The following LRP3 variants were observed in gnomAD, a reference collection of about 807,000 sequenced individuals.
The protein encoded by LRP3 is low-density lipoprotein receptor-related protein 3.
Under a neutral mutation model 58.5 loss-of-function variants are expected in LRP3, and 49 were observed. The observed-to-expected ratio is 0.84, with a 90% CI of 0.67 to 1.06. The LOEUF is 1.06. Ranked by LOEUF, LRP3 falls within the 50% of genes least tolerant of loss-of-function variation. The probability of loss-of-function intolerance (pLI) is 0.00; values close to 1 mark genes in which losing one functional copy is unlikely to be tolerated. For synonymous variants in LRP3, 485 were observed against 492.2 expected (o/e 0.99, Z 0.20); for missense variants, 1,019 against 1,134.2 (o/e 0.90, Z 1.46).
At chr19:33,201,000 T>A (rs1339447087) in intron 2 of LRP3, among the ~76,000 whole-genome samples, 1 of 152,222 alleles carries the variant, frequency 6.6e-6, no homozygotes, top group Non-Finnish European at 1.5e-5. Context: ...ATGGTCCTAG[T>A]AGGCCCCCAG....
Position 33,207,614 on chromosome 19 carries a change from T to G in LRP3, c.*39T>G. ...TGGTGACCGCCACAGCCCCGCTTTG[T>G]AACCAGGGAATACACAGTCATTTCT... On this transcript the variant is annotated 3_prime_UTR_variant, in exon 7 of 7. Transcript: ENST00000253193. 7.0e-7 allele frequency: 1 copy of G among 1,433,524 alleles called. No individual in the cohort carries two copies. Among genetic ancestry groups the G allele is most frequent in the East Asian group, 2.3e-5 (1 of 44,030 alleles). 88.8% of individuals were successfully genotyped at this position (1,433,524 alleles called of 1,614,324 possible).
chr19:33,203,121 A>G, intron 3 of LRP3, 135 bp downstream of exon 3: 9 of 1,116,676 alleles, frequency 8.1e-6, no homozygotes, highest in South Asian at 1.5e-5. Context: ...GTGTGGGATC[A>G]TGTGCATGTG....
At chr19:33,205,009 C>T in intron 4 of LRP3, 157 bp downstream of exon 4, 1 of 765,164 alleles carries the variant, frequency 1.3e-6, no homozygotes, top group Non-Finnish European at 2.1e-6. Context: ...CAGGACTGGG[C>T]ATGCGGATGC....
intron 1 of LRP3, 66 bp downstream of exon 1, chr19:33,194,924 C>T (rs1169230989): frequency 6.8e-6 from 6 of 877,028 alleles, no homozygotes; most frequent in African/African-American, 1.8e-5. Context: ...CGCGCCCTGA[C>T]CGACCTCCTC....
intron 2 of LRP3, among the ~76,000 whole-genome samples, chr19:33,201,003 G>T (rs1331774436): frequency 1.3e-5 from 2 of 152,214 alleles, no homozygotes; most frequent in Non-Finnish European, 2.9e-5. Flanking sequence ...GTCCTAGTAG[G>T]CCCCCAGGGG....
intron 2 of LRP3, among the ~76,000 whole-genome samples, chr19:33,198,804 G>T (rs1974311194): frequency 6.6e-6 from 1 of 152,240 alleles, no homozygotes; most frequent in Non-Finnish European, 1.5e-5. Flanking sequence ...TTTGCAGGCA[G>T]CTGGCAGCTT....
rs1020591909 is a variant in LRP3 at position 33,207,730 on chromosome 19, C to T, written c.*155C>T. 3.9e-5 allele frequency: 24 copies of T among 612,824 alleles called. No individual in the cohort carries two copies. The highest frequency in any genetic ancestry group is 2.1e-4 in the Admixed American group (7 of 33,230). 38.0% of individuals were successfully genotyped at this position (612,824 alleles called of 1,614,324 possible). ...TAAGCCAGCTGGCTGCACTGGTGGG[C>T]GGGAGCTGTGGGACTGAACGGCGGG... On this transcript the variant is annotated 3_prime_UTR_variant, in exon 7 of 7. Coordinates refer to ENST00000253193, the MANE Select transcript of LRP3 (RefSeq NM_002333.4).
At position 33,207,548 on chromosome 19, in the gene LRP3, CGAT is replaced by C. The variant is rs747528993; in HGVS notation, c.2292_2294del (p.Asp764del). 6.2e-6 allele frequency: 10 copies of C among 1,604,710 alleles called. No individual in the cohort carries two copies. The highest frequency in any genetic ancestry group is 1.7e-5 in the Admixed American group (1 of 59,940). ...CCTGCTCCCCAATGCTGGAGGCCAG[CGAT>C]GATGAGGCCCTGTTGGTCTGTTGAC... On this transcript the variant is annotated inframe_deletion, in exon 7 of 7. Transcript: ENST00000253193.
chr19:33,198,541 T>A (rs1160746459), intron 2 of LRP3, among the ~76,000 whole-genome samples: 2 of 152,206 alleles, frequency 1.3e-5, no homozygotes, highest in Admixed American at 1.3e-4. Flanking sequence ...GGATTCCTGC[T>A]GTGTGGGACC....
rs1232727143 is a variant in LRP3, at chr19:33,205,285, G to A, written c.515G>A (p.Arg172His). ...GCATCCTGCCAGGCAGATGAGTTCCGCTGTGACAACGGCAAGTGCCTGCCC... is the reference window on the plus strand; with the variant it reads ...GCATCCTGCCAGGCAGATGAGTTCCACTGTGACAACGGCAAGTGCCTGCCC... The part of the protein sequence containing the change: ...GQASCQADEF[R>H]CDNGKCLPGP... Residue 172 changes from arginine (R) to histidine (H), a missense_variant, in exon 5 of 7, where the codon CGC becomes CAC. Coordinates refer to ENST00000253193, the MANE Select transcript of LRP3 (RefSeq NM_002333.4). 8.7e-6 allele frequency: 14 copies of A among 1,610,388 alleles called. No homozygotes were observed. The highest frequency in any genetic ancestry group is 2.2e-5 in the East Asian group (1 of 44,774).
At chr19:33,200,051 A>C (rs1050434034) in intron 2 of LRP3, among the ~76,000 whole-genome samples, 5 of 152,174 alleles carry the variant, frequency 3.3e-5, no homozygotes, top group Non-Finnish European at 5.9e-5. Flanking sequence ...CTCAGCAAAA[A>C]GGTGAACATG....
chr19:33,196,439 T>G (rs531552806), intron 1 of LRP3, among the ~76,000 whole-genome samples: 46 of 152,336 alleles, frequency 3.0e-4, no homozygotes, highest in Non-Finnish European at 5.7e-4. Context: ...ACACCTGTAG[T>G]TCCAGCTACT....
intron 6 of LRP3, 82 bp downstream of exon 6, chr19:33,206,815 C>A: frequency 7.0e-7 from 1 of 1,424,810 alleles, no homozygotes; most frequent in Non-Finnish European, 9.3e-7. Context: ...GTCACAGGAG[C>A]AGGAGGCAAG....
At position 33,205,430 on chromosome 19, in the gene LRP3, C is replaced by A. The variant is rs200810037; in HGVS notation, c.660C>A (p.Ser220Arg). The change falls in exon 5 of 7, where the codon AGC becomes AGA. Residue 220 changes from serine (S) to arginine (R), a missense_variant. Ser to Arg is a moderately radical substitution (Grantham distance 110). Around this residue, in one of 2 missense-constraint regions of LRP3, gnomAD observed 592 missense variants for 725.5 expected, o/e 0.82. Transcript: ENST00000253193. ...SLCPGGTFPC[S>R]GARSTRCLPV... ...GCCCCGGGGGGACCTTCCCATGCAG[C>A]GGGGCGCGCTCCACGCGCTGCCTGC... 1 of 1,590,918 alleles carries A rather than the reference C, an allele frequency of 6.3e-7. No homozygotes were observed. The highest frequency in any genetic ancestry group is 8.6e-7 in the Non-Finnish European group (1 of 1,169,262).
In LRP3 at chr19:33,207,683, C is replaced by A; in HGVS notation, c.*108C>A. 1 of 907,760 alleles carries A rather than the reference C, an allele frequency of 1.1e-6. No homozygotes were observed. The highest frequency in any genetic ancestry group is 1.6e-5 in the South Asian group (1 of 63,810). 56.2% of individuals were successfully genotyped at this position (907,760 alleles called of 1,614,324 possible). The stretch of plus-strand genomic sequence containing the variant: ...TTCTTATGGAGAGGCCCTCCGGGGA[C>A]CCCAGCGGAGGGGCTGGCCCCTAAG... On this transcript the variant is annotated 3_prime_UTR_variant, in exon 7 of 7. Transcript: ENST00000253193.
At chr19:33,203,284 G>A (rs1387402775) in intron 3 of LRP3, among the ~76,000 whole-genome samples, 1 of 152,036 alleles carries the variant, frequency 6.6e-6, no homozygotes, top group Admixed American at 6.6e-5. Context: ...TATGTGGTGT[G>A]TGCATGCATG....
chr19:33,194,712 A>G lies in LRP3; in HGVS notation c.-74A>G, dbSNP rs1445553659. The G allele has an allele frequency of 3.6e-5, 16 of 440,892 alleles. No homozygotes were observed. The highest frequency in any genetic ancestry group is 3.9e-5 in the Non-Finnish European group (13 of 333,178). The allele number at this position is 440,892 out of a possible 1,614,324, so 27.3% of individuals were successfully genotyped here. A position where few individuals can be genotyped will look rare whatever the true frequency, so the allele number is the denominator to read the frequency against. Reference sequence around the variant, plus strand: ...GAGCCCGAGCCGCAGCCAGAGCCAGAGCCGGAGCCGCAGCCGGAACCGGAG... The same window carrying G: ...GAGCCCGAGCCGCAGCCAGAGCCAGGGCCGGAGCCGCAGCCGGAACCGGAG... On this transcript the variant is annotated 5_prime_UTR_variant, in exon 1 of 7. Coordinates refer to ENST00000253193, the MANE Select transcript of LRP3 (RefSeq NM_002333.4).
In LRP3 at chr19:33,207,695, GGCTGGCCCCTAAGCCA is replaced by G; in HGVS notation, c.*127_*142del. ...GGCCCTCCGGGGACCCCAGCGGAGG[GGCTGGCCCCTAAGCCA>G]GCTGGCTGCACTGGTGGGCGGGAGC... On this transcript the variant is annotated 3_prime_UTR_variant, in exon 7 of 7. Coordinates refer to ENST00000253193, the MANE Select transcript of LRP3 (RefSeq NM_002333.4). 1.3e-6 allele frequency: 1 copy of G among 786,100 alleles called. No individual in the cohort carries two copies. The allele number at this position is 786,100 out of a possible 1,614,324, so 48.7% of individuals were successfully genotyped here. A position where few individuals can be genotyped will look rare whatever the true frequency, so the allele number is the denominator to read the frequency against.
chr19:33,206,453 G>C, intron 5 of LRP3, 91 bp downstream of exon 5: 1 of 1,594,966 alleles, frequency 6.3e-7, no homozygotes. Context: ...CGGGGGCCTG[G>C]ACTAGCTACA....
Sources: allele counts gnomAD v4.1 joint callset (sites outside exome capture counted in the v4.1 genomes callset), GRCh38; gene constraint gnomAD v4.1.1; regional missense constraint gnomAD v4.1.1; transcripts MANE v1.5; gene names NCBI Gene and HGNC (gene_info 2026-07-23, HGNC 2026-07-21).